The following FAT4 variants were observed in gnomAD, a reference collection of about 807,000 sequenced individuals.
FAT4 encodes protocadherin Fat 4.
In FAT4, 84 loss-of-function variants were observed where a neutral mutation model predicts 303.9. The ratio of observed to expected loss-of-function variants is 0.28; its 90% CI spans 0.23 to 0.33. FAT4 has a LOEUF of 0.33. FAT4 is among the 10% of genes least tolerant of loss of function. The pLI, the probability that FAT4 is intolerant of heterozygous loss-of-function variation, is 1.00. For missense variants in FAT4, 6,005 were observed against 6,146.8 expected, an observed-to-expected ratio of 0.98 and a Z score of 0.77; for synonymous variants, 2,307 against 2,298.8, an observed-to-expected ratio of 1.00 and a Z score of -0.10.
In FAT4 at chr4:125,339,537, G is replaced by A. The variant is rs147124249; in HGVS notation, c.5175+17951G>A. Reference sequence around the variant, plus strand: ...TGGTAATAGTTATTAAACAATAATAGCATCATTATTAATAATTATGGAACA... The same window carrying A: ...TGGTAATAGTTATTAAACAATAATAACATCATTATTAATAATTATGGAACA... On this transcript the variant is annotated intron_variant, in intron 2 of 17. Coordinates refer to ENST00000394329, the MANE Select transcript of FAT4 (RefSeq NM_001291303.3). Among the ~76,000 whole-genome samples, 656 of 152,210 alleles carry A rather than the reference G, an allele frequency of 4.3e-3. 5 individuals are homozygous for A. The highest frequency in any genetic ancestry group is 0.015 in the African/African-American group (622 of 41,522).
intron 17 of FAT4, 32 bp from the exon 18 acceptor site, chr4:125,489,862 TTTTTTTG>T (rs1317734390): frequency 9.2e-7 from 1 of 1,092,784 alleles, no homozygotes; most frequent in Admixed American, 2.8e-5. Context: ...TTTTTTTTTT[TTTTTTTG>T]TAAAAAGCCT....
chr4:125,399,762 T>C (rs1045895130), intron 3 of FAT4, among the ~76,000 whole-genome samples: 18 of 152,018 alleles, frequency 1.2e-4, no homozygotes, highest in African/African-American at 4.3e-4. Flanking sequence ...CTATTACAAA[T>C]GAACAAAATA....
chr4:125,450,298 G>A lies in FAT4; in HGVS notation c.9288G>A (p.Met3096Ile). The A allele has an allele frequency of 1.2e-6, 2 of 1,614,102 alleles. No individual in the cohort carries two copies. The highest frequency in any genetic ancestry group is 2.2e-5 in the East Asian group (1 of 44,860). The change falls in exon 10 of 18, where the codon ATG becomes ATA. Residue 3096 changes from methionine (M) to isoleucine (I), a missense_variant. Coordinates refer to ENST00000394329, the MANE Select transcript of FAT4 (RefSeq NM_001291303.3). ...YHTPEFSQSH[M>I]SATIPESHSI... ...CACCTGAATTCTCTCAAAGCCACAT[G>A]AGTGCAACCATCCCTGAGAGCCATA...
chr4:125,441,592 T>A (rs575912290), intron 8 of FAT4, among the ~76,000 whole-genome samples: 2 of 152,162 alleles, frequency 1.3e-5, no homozygotes. Flanking sequence ...AGGAAATAAT[T>A]TGTACAAAGC....
chr4:125,490,370 G>A lies in FAT4; in HGVS notation c.13554G>A (p.Leu4518=), dbSNP rs78235204. The change falls in exon 18 of 18, where the codon TTG becomes TTA. Residue 4518 remains leucine (L), a synonymous_variant. Coordinates refer to ENST00000394329, the MANE Select transcript of FAT4 (RefSeq NM_001291303.3). ...PAIVGSCATV[L]ALLVLSLILC... ...TCGTGGGCAGCTGCGCAACCGTCTT[G>A]GCCCTCCTGGTCCTTAGCCTGATCC... 5,430 of 1,614,134 alleles carry A rather than the reference G, an allele frequency of 3.4e-3. 16 individuals carry two copies. Among genetic ancestry groups the A allele is most frequent in the Middle Eastern group, 0.011 (66 of 6,062 alleles).
At position 125,451,409 on chromosome 4, in the gene FAT4, A is replaced by T; in HGVS notation, c.10399A>T (p.Thr3467Ser). The T allele has an allele frequency of 6.2e-7, 1 of 1,614,166 alleles. No homozygotes were observed. Among genetic ancestry groups the T allele is most frequent in the Non-Finnish European group, 8.5e-7 (1 of 1,180,020 alleles). The change falls in exon 10 of 18, where the codon ACT becomes TCT. Residue 3467 changes from threonine to serine, a missense_variant. Physicochemically the swap from Thr to Ser is moderately conservative, Grantham distance 58. Coordinates refer to ENST00000394329, the MANE Select transcript of FAT4 (RefSeq NM_001291303.3). ...INPQTGQITVTAELDRETLPI... is the reference protein window; with the variant it reads ...INPQTGQITVSAELDRETLPI... ...TCCGCAGACAGGACAGATCACCGTT[A>T]CTGCAGAATTAGATCGAGAAACCCT...
intron 3 of FAT4, among the ~76,000 whole-genome samples, chr4:125,403,092 A>G (rs1003286872): frequency 1.3e-5 from 2 of 152,104 alleles, no homozygotes; most frequent in East Asian, 3.9e-4. Context: ...TGTTTCTCTT[A>G]TAAGAAAATA....
chr4:125,430,289 A>G (rs1453799727), intron 7 of FAT4, among the ~76,000 whole-genome samples: 1 of 152,168 alleles, frequency 6.6e-6, no homozygotes, highest in Non-Finnish European at 1.5e-5. Context: ...TGTGTCACTC[A>G]TCTGGCACAA....
At chr4:125,441,066 C>T (rs1266434283) in intron 8 of FAT4, among the ~76,000 whole-genome samples, 1 of 152,112 alleles carries the variant, frequency 6.6e-6, no homozygotes, top group Non-Finnish European at 1.5e-5. Context: ...ACTTCCACGC[C>T]TCTAGTTTCT....
rs898898696 is a variant in FAT4, at chr4:125,319,024, C to T, written c.2613C>T (p.Gly871=). The part of the protein sequence containing the change: ...FYQLKVVASG[G]TVTGDTMVNI... ...AGCTGAAGGTAGTGGCCAGTGGGGG[C>T]ACAGTGACTGGAGACACTATGGTTA... The change falls in exon 2 of 18, where the codon GGC becomes GGT. Residue 871 remains glycine, a synonymous_variant. Transcript: ENST00000394329. 4.3e-6 allele frequency: 7 copies of T among 1,614,152 alleles called. No individual in the cohort carries two copies. Among genetic ancestry groups the T allele is most frequent in the Non-Finnish European group, 5.9e-6 (7 of 1,180,026 alleles).
Position 125,344,509 on chromosome 4 carries a change from T to G in FAT4, c.5175+22923T>G, listed in dbSNP as rs562931109. ...GAAATACTTAATCACCACTCTTGCT[T>G]CTTTGGGTGCTGAAAAGAAGTTTGA... On this transcript the variant is annotated intron_variant, in intron 2 of 17. Coordinates refer to ENST00000394329, the MANE Select transcript of FAT4 (RefSeq NM_001291303.3). Among the ~76,000 whole-genome samples, 52 of 152,264 alleles carry G rather than the reference T, an allele frequency of 3.4e-4. No homozygotes were observed. In the South Asian group the frequency reaches 3.5e-3, roughly 10 times the overall value.
intron 2 of FAT4, among the ~76,000 whole-genome samples, chr4:125,338,825 T>G (rs1731668158): frequency 6.6e-6 from 1 of 152,172 alleles, no homozygotes; most frequent in African/African-American, 2.4e-5. Context: ...AGAAAAAATA[T>G]CAGGCAAATT....
intron 3 of FAT4, among the ~76,000 whole-genome samples, chr4:125,401,840 A>C (rs1578600689): frequency 6.6e-6 from 1 of 151,736 alleles, no homozygotes; most frequent in African/African-American, 2.4e-5. Flanking sequence ...ATGCATTTGA[A>C]ATTTATAGCT....
At position 125,409,440 on chromosome 4, in the gene FAT4, G is replaced by A. The variant is rs199624668; in HGVS notation, c.5920+646G>A. Among the ~76,000 whole-genome samples, 102 of 152,142 alleles carry A rather than the reference G, an allele frequency of 6.7e-4. 1 individual carries two copies. The East Asian group carries it at 0.016, about 24-fold the overall frequency. ...CCTGGCTAATTTTGTATTTTTAGTA[G>A]AGACGGGGTTTCTCCATGTTGGTCA... On this transcript the variant is annotated intron_variant, in intron 5 of 17. Coordinates refer to ENST00000394329, the MANE Select transcript of FAT4 (RefSeq NM_001291303.3).
Position 125,406,982 on chromosome 4 carries a change from A to C in FAT4, c.5410A>C (p.Arg1804=). The C allele has an allele frequency of 6.2e-7, 1 of 1,613,878 alleles. No homozygotes were observed. The highest frequency in any genetic ancestry group is 8.5e-7 in the Non-Finnish European group (1 of 1,179,874). Residue 1804 remains arginine (R), a synonymous_variant, in exon 4 of 18, where the codon AGG becomes CGG. Transcript: ENST00000394329. ...TCTGATAGCAACCAGGCGGTTGGAC[A>C]GGGAACGCCGCTCCAAATATTCACT... ...GDLIATRRLD[R]ERRSKYSLLV...
intron 2 of FAT4, among the ~76,000 whole-genome samples, chr4:125,345,099 T>A (rs1330080498): frequency 6.6e-6 from 1 of 152,118 alleles, no homozygotes; most frequent in African/African-American, 2.4e-5. Context: ...CATCCTTTAT[T>A]TAAATTCCCA....
chr4:125,369,554 T>C (rs1157092421), intron 2 of FAT4, among the ~76,000 whole-genome samples: 1 of 152,254 alleles, frequency 6.6e-6, no homozygotes, highest in East Asian at 1.9e-4. Flanking sequence ...TTCATTCTGT[T>C]GTTTAATGAA....
At position 125,320,717 on chromosome 4, in the gene FAT4, G is replaced by A; in HGVS notation, c.4306G>A (p.Gly1436Ser). Residue 1436 changes from glycine to serine, a missense_variant, in exon 2 of 18, where the codon GGT (glycine) becomes AGT (serine). Physicochemically the swap from Gly to Ser is moderately conservative, Grantham distance 56. Coordinates refer to ENST00000394329, the MANE Select transcript of FAT4 (RefSeq NM_001291303.3). ...FKSIVENIPI[G>S]TSVISVTAHD... is the part of the protein sequence containing the mutation. ...GTCTATTGTTGAGAACATTCCCATC[G>A]GTACATCTGTCATTTCAGTGACTGC... 2 of 1,613,980 alleles carry A rather than the reference G, an allele frequency of 1.2e-6. No individual in the cohort carries two copies. The highest frequency in any genetic ancestry group is 1.7e-6 in the Non-Finnish European group (2 of 1,179,894).
At chr4:125,428,418 TA>T (rs1310568111) in intron 7 of FAT4, among the ~76,000 whole-genome samples, 1 of 152,166 alleles carries the variant, frequency 6.6e-6, no homozygotes, top group Non-Finnish European at 1.5e-5. Flanking sequence ...TACTTAAGAG[TA>T]TAAAATGTGA....
Sources: gnomAD v4.1 joint callset for allele counts (sites outside exome capture counted in the v4.1 genomes callset) on GRCh38, gnomAD v4.1.1 for gene constraint, MANE v1.5 for transcripts, NCBI Gene and HGNC (gene_info 2026-07-23, HGNC 2026-07-21) for gene names.